BRDT: variants seen among roughly 807,000 people sequenced by gnomAD.
BRDT encodes the protein bromodomain testis associated, also known as bromodomain testis-specific protein.
BRDT carries 77 observed loss-of-function variants against 113.9 expected under a neutral mutation model. The observed-to-expected ratio is 0.68, with a 90% confidence interval of 0.56 to 0.82. The LOEUF (loss-of-function observed/expected upper bound fraction) is 0.82. Among genes scored for constraint, BRDT ranks in the 40% least tolerant of loss-of-function variants. BRDT has a pLI of 0.00. For missense variants in BRDT, 1,027 were observed against 1,105.4 expected (o/e 0.93, Z 1.01); for synonymous variants, 358 against 366.5 (o/e 0.98, Z 0.26).
intron 8 of BRDT, 30 bp from the exon 9 acceptor site, chr1:91,980,613 A>C: frequency 1.4e-6 from 2 of 1,413,492 alleles, no homozygotes; most frequent in Non-Finnish European, 1.8e-6. Context: ...TAGAGACATG[A>C]ATGTTTACAG....
In BRDT at chr1:91,968,309, A is replaced by G. The variant is rs377545364; in HGVS notation, c.445+49A>G. On this transcript the variant is annotated intron_variant, in intron 4 of 18. Transcript: ENST00000399546. ...ATGGTTCTCTCTCTTTTTTTCCCCT[A>G]TCTATCTCATGTGTGTGTGTAAATC... 1.6e-5 allele frequency: 25 copies of G among 1,590,652 alleles called. No individual in the cohort carries two copies. In the African/African-American group the frequency reaches 1.8e-4, roughly 11 times the overall value.
chr1:91,999,712 CT>C (rs2101785702), intron 15 of BRDT, among the ~76,000 whole-genome samples: 1 of 152,288 alleles, frequency 6.6e-6, no homozygotes, highest in East Asian at 1.9e-4. Context: ...GTGCTCTATA[CT>C]TGGGTGATCT....
At position 91,981,735 on chromosome 1, in the gene BRDT, A is replaced by G. The variant is rs760295449; in HGVS notation, c.1982A>G (p.Asp661Gly). 3.1e-6 allele frequency: 5 copies of G among 1,613,706 alleles called. No homozygotes were observed. In the African/African-American group the frequency reaches 4.0e-5, roughly 13 times the overall value. Residue 661 changes from aspartate to glycine, a missense_variant, in exon 12 of 19, where the codon GAC (aspartate) becomes GGC (glycine). Transcript: ENST00000399546. ...ESSSSDLSSS[D>G]SSDSESEMFP... ...AGCAGCAGTGACTTAAGCTCTTCAG[A>G]CAGCAGTGATTCTGAATCAGGTTAG...
At chr1:91,989,158 A>T (rs1453402280) in intron 12 of BRDT, among the ~76,000 whole-genome samples, 1 of 151,918 alleles carries the variant, frequency 6.6e-6, no homozygotes, top group Non-Finnish European at 1.5e-5. Flanking sequence ...AACTAAGGTG[A>T]TGCCCTTGAA....
intron 6 of BRDT, chr1:91,977,600 GT>G (rs1684276192): frequency 2.6e-6 from 1 of 384,450 alleles, no homozygotes; most frequent in African/African-American, 2.1e-5. Context: ...GCCGGGCACA[GT>G]GGCTCATGCC....
chr1:91,986,216 AAGCT>A (rs1157714181), intron 12 of BRDT, among the ~76,000 whole-genome samples: 1 of 152,206 alleles, frequency 6.6e-6, no homozygotes, highest in African/African-American at 2.4e-5. Flanking sequence ...ATGCACACAT[AAGCT>A]ATTGAGAGTT....
intron 5 of BRDT, 107 bp downstream of exon 5, chr1:91,976,545 C>T: frequency 9.4e-7 from 1 of 1,060,294 alleles, no homozygotes; most frequent in African/African-American, 1.6e-5. Context: ...TTTTTTAATT[C>T]ATTTAGCATC....
At chr1:91,964,845 C>A in intron 3 of BRDT, 81 bp downstream of exon 3, 1 of 1,037,874 alleles carries the variant, frequency 9.6e-7, no homozygotes, top group Non-Finnish European at 1.3e-6. Flanking sequence ...GTGATCATTT[C>A]AGATTTCAAT....
rs2101434234 is a variant in BRDT at position 91,949,651 on chromosome 1, G to GA, written c.-67dup. ...ATCGTGCGACAGTCCGGGCAGTTGA[G>GA]AAGGCCACCCCGCTTCGTGCCTGCA... On this transcript the variant is annotated 5_prime_UTR_variant, in exon 1 of 19. Transcript: ENST00000399546. The GA allele has an allele frequency of 6.6e-6, 1 of 152,362 alleles. No homozygotes were observed. The highest frequency in any genetic ancestry group is 6.5e-5 in the Admixed American group (1 of 15,288). The allele number at this position is 152,362 out of a possible 1,614,324, so 9.4% of individuals were successfully genotyped here. A position where few individuals can be genotyped will look rare whatever the true frequency, so the allele number is the denominator to read the frequency against.
chr1:91,966,117 A>G (rs895268558), intron 3 of BRDT, among the ~76,000 whole-genome samples: 4 of 152,092 alleles, frequency 2.6e-5, no homozygotes, highest in African/African-American at 9.7e-5. Flanking sequence ...CTTAATCTTC[A>G]TATTGGCTCT....
chr1:91,960,983 G>T (rs1031290798), intron 1 of BRDT, among the ~76,000 whole-genome samples: 3 of 152,198 alleles, frequency 2.0e-5, no homozygotes, highest in Non-Finnish European at 2.9e-5. Context: ...GTGCCACAGA[G>T]TAACATTTTA....
chr1:92,012,527 C>T (rs193022405), intron 18 of BRDT, among the ~76,000 whole-genome samples: 5 of 152,296 alleles, frequency 3.3e-5, no homozygotes, highest in Non-Finnish European at 5.9e-5. Flanking sequence ...ACTAGGACAA[C>T]GTATCCAATG....
At chr1:91,994,584 G>C (rs1411989394) in intron 15 of BRDT, among the ~76,000 whole-genome samples, 4 of 152,134 alleles carry the variant, frequency 2.6e-5, no homozygotes, top group African/African-American at 9.7e-5. Context: ...GAATAAGGGA[G>C]GGCCGGGCGC....
chr1:91,964,863 G>A (rs1032289373), intron 3 of BRDT, 99 bp downstream of exon 3: 6 of 811,428 alleles, frequency 7.4e-6, no homozygotes, highest in Non-Finnish European at 1.0e-5. Flanking sequence ...AATTCTCTTC[G>A]TTTGAGATAC....
Position 91,981,313 on chromosome 1 carries a change from A to G in BRDT, c.1796A>G (p.Lys599Arg). 1 of 1,614,202 alleles carries G rather than the reference A, an allele frequency of 6.2e-7. No homozygotes were observed. The highest frequency in any genetic ancestry group is 1.7e-5 in the Admixed American group (1 of 60,022). ...AAAGAAGAACTTCACTCACAGAAAA[A>G]ACAGGAATTGGAAAAGCGGTTACTG... Reference protein sequence around the residue: ...MSKEELHSQKKQELEKRLLDV... With the variant: ...MSKEELHSQKRQELEKRLLDV... The change falls in exon 11 of 19, where the codon AAA becomes AGA. Residue 599 changes from lysine (K) to arginine (R), a missense_variant. By Grantham distance (26) the Lys-to-Arg change is conservative. Transcript: ENST00000399546.
chr1:91,976,289 T>C lies in BRDT; in HGVS notation c.469T>C (p.Ser157Pro), dbSNP rs775052490. ...AGGCACTCAACAGAATATAGCTGTT[T>C]CTTCTGCTAAAGAAAAATCATCACC... Reference protein sequence around the residue: ...KKGTQQNIAVSSAKEKSSPSA... With the variant: ...KKGTQQNIAVPSAKEKSSPSA... The change falls in exon 5 of 19, where the codon TCT becomes CCT. Residue 157 changes from serine (S) to proline (P), a missense_variant. Physicochemically the swap from Ser to Pro is moderately conservative, Grantham distance 74 (BLOSUM62 -1). Coordinates refer to ENST00000399546, the MANE Select transcript of BRDT (RefSeq NM_207189.4). 6.2e-7 allele frequency: 1 copy of C among 1,610,114 alleles called. No homozygotes were observed. The highest frequency in any genetic ancestry group is 8.5e-7 in the Non-Finnish European group (1 of 1,178,868).
chr1:92,010,240 G>T (rs1687675581), intron 18 of BRDT, among the ~76,000 whole-genome samples: 1 of 147,074 alleles, frequency 6.8e-6, no homozygotes, highest in African/African-American at 2.5e-5. Context: ...ATTTAAAGTT[G>T]CCTCATAGCT....
At chr1:92,001,738 A>G (rs1210132435) in intron 15 of BRDT, among the ~76,000 whole-genome samples, 1 of 151,896 alleles carries the variant, frequency 6.6e-6, no homozygotes, top group African/African-American at 2.4e-5. Context: ...AGGTCAGTCT[A>G]AACTGGAGAG....
chr1:91,951,524 C>G (rs770191296), intron 1 of BRDT, among the ~76,000 whole-genome samples: 1 of 151,800 alleles, frequency 6.6e-6, no homozygotes, highest in Non-Finnish European at 1.5e-5. Context: ...AGGCTGGGCG[C>G]GGTGGCTCAC....
Sources: allele counts gnomAD v4.1 joint callset (sites outside exome capture counted in the v4.1 genomes callset), GRCh38; gene constraint gnomAD v4.1.1; transcripts MANE v1.5; gene names NCBI Gene and HGNC (gene_info 2026-07-23, HGNC 2026-07-21).